Variants in SH3GL2 observed in about 807,000 individuals in gnomAD.
SH3GL2 encodes the protein SH3 domain containing GRB2 like 2, endophilin A1.
A neutral mutation model predicts 46.0 loss-of-function variants in SH3GL2; 24 were observed. That is an observed-to-expected ratio of 0.52 (90% CI 0.38 to 0.73). The LOEUF (loss-of-function observed/expected upper bound fraction) is 0.73. SH3GL2 is among the 30% of genes least tolerant of loss of function. The probability of loss-of-function intolerance (pLI) is 0.00; values close to 1 mark genes in which losing one functional copy is unlikely to be tolerated. For missense variants in SH3GL2, 413 were observed against 424.2 expected (o/e 0.97, Z 0.23); for synonymous variants, 196 against 147.1 (o/e 1.33, Z -2.40).
At chr9:17,737,662 AT>A (rs1822380797) in intron 1 of SH3GL2, among the ~76,000 whole-genome samples, 1 of 151,784 alleles carries the variant, frequency 6.6e-6, no homozygotes, top group African/African-American at 2.4e-5. Flanking sequence ...TTCTTTCCTG[AT>A]TATCCCTTTA....
At chr9:17,677,157 T>G (rs1162682511) in intron 1 of SH3GL2, among the ~76,000 whole-genome samples, 1 of 146,452 alleles carries the variant, frequency 6.8e-6, no homozygotes. Flanking sequence ...TTGGTCTCTG[T>G]GAAGATTTGA....
chr9:17,699,587 C>A (rs1821294492), intron 1 of SH3GL2, among the ~76,000 whole-genome samples: 1 of 152,204 alleles, frequency 6.6e-6, no homozygotes, highest in Admixed American at 6.5e-5. Context: ...CTGCCCTCAG[C>A]CTTACTACCA....
At chr9:17,736,922 G>A (rs914298248) in intron 1 of SH3GL2, among the ~76,000 whole-genome samples, 2 of 151,954 alleles carry the variant, frequency 1.3e-5, no homozygotes, top group African/African-American at 4.8e-5. Flanking sequence ...GAGCAGGACT[G>A]TTCACAATAG....
rs1823994609 is a variant in SH3GL2, at chr9:17,787,482, A to G, written c.434A>G (p.Asn145Ser). The G allele has an allele frequency of 1.2e-6, 2 of 1,613,032 alleles. No individual in the cohort carries two copies. Among genetic ancestry groups the G allele is most frequent in the African/African-American group, 1.3e-5 (1 of 74,876 alleles). ...VKQNFIDPLQ[N>S]LHDKDLREIQ... is the part of the protein sequence containing the mutation. ...CAGAACTTCATTGACCCTCTTCAGA[A>G]TCTTCATGACAAAGATCTTAGGGAA... Residue 145 changes from asparagine (N) to serine (S), a missense_variant, in exon 5 of 9, where the codon AAT becomes AGT. Around this residue, in one of 3 missense-constraint regions of SH3GL2, gnomAD observed 160 missense variants for 192.3 expected, o/e 0.83. Transcript: ENST00000380607.
intron 3 of SH3GL2, among the ~76,000 whole-genome samples, chr9:17,786,103 G>T (rs1823948291): frequency 6.6e-6 from 1 of 152,160 alleles, no homozygotes; most frequent in Admixed American, 6.5e-5. Flanking sequence ...GGATGGGGAA[G>T]GGCACACAGT....
At chr9:17,678,214 A>T (rs112454123) in intron 1 of SH3GL2, among the ~76,000 whole-genome samples, 19,297 of 150,964 alleles carry the variant, frequency 0.13, 1,588 homozygotes, top group African/African-American at 0.2. Context: ...CGCCACACTG[A>T]CTTCCACAAT....
At chr9:17,766,334 T>A (rs967424511) in intron 3 of SH3GL2, among the ~76,000 whole-genome samples, 1 of 152,216 alleles carries the variant, frequency 6.6e-6, no homozygotes, top group East Asian at 1.9e-4. Flanking sequence ...TACACATTCC[T>A]AAAATGCTTA....
chr9:17,624,690 A>T (rs1206288977), intron 1 of SH3GL2, among the ~76,000 whole-genome samples: 1 of 152,114 alleles, frequency 6.6e-6, no homozygotes, highest in African/African-American at 2.4e-5. Context: ...CTTACTTTTG[A>T]CAAATTTTTC....
In SH3GL2 at chr9:17,642,279, A is replaced by G. The variant is rs185189696; in HGVS notation, c.45+62992A>G. On this transcript the variant is annotated intron_variant, in intron 1 of 8. Coordinates refer to ENST00000380607, the MANE Select transcript of SH3GL2 (RefSeq NM_003026.5). ...TATTAGCCCTTTGTCAGATGGATAG[A>G]TTGCAAAAATTTTCTCCCATTCTGT... 3.4e-4 allele frequency among the ~76,000 whole-genome samples: 52 copies of G among 152,232 alleles called. 1 individual carries two copies. In the East Asian group the frequency reaches 9.5e-3, roughly 28 times the overall value.
intron 1 of SH3GL2, among the ~76,000 whole-genome samples, chr9:17,730,502 A>G (rs78327137): frequency 6.6e-6 from 1 of 152,140 alleles, no homozygotes; most frequent in Non-Finnish European, 1.5e-5. Context: ...TATGTTGAAT[A>G]GGAGTGGTGA....
At chr9:17,771,809 G>A (rs138331634) in intron 3 of SH3GL2, among the ~76,000 whole-genome samples, 1 of 152,212 alleles carries the variant, frequency 6.6e-6, no homozygotes, top group African/African-American at 2.4e-5. Flanking sequence ...AGAGAGCTTT[G>A]TCACCTTGGA....
intron 3 of SH3GL2, among the ~76,000 whole-genome samples, chr9:17,767,949 T>C (rs1823363718): frequency 6.6e-6 from 1 of 152,172 alleles, no homozygotes; most frequent in Non-Finnish European, 1.5e-5. Context: ...ATATTGAAAA[T>C]AGGTTCCTGA....
At chr9:17,751,787 CA>C (rs1264418568) in intron 2 of SH3GL2, among the ~76,000 whole-genome samples, 1 of 152,120 alleles carries the variant, frequency 6.6e-6, no homozygotes, top group Non-Finnish European at 1.5e-5. Context: ...TCCCTGAGTG[CA>C]CCCATAATGT....
chr9:17,784,832 C>T (rs1418812482), intron 3 of SH3GL2, among the ~76,000 whole-genome samples: 1 of 152,174 alleles, frequency 6.6e-6, no homozygotes, highest in East Asian at 1.9e-4. Context: ...TCCACGTCAG[C>T]TTCCCTAGTA....
chr9:17,703,473 A>G (rs969057780), intron 1 of SH3GL2, among the ~76,000 whole-genome samples: 7 of 151,998 alleles, frequency 4.6e-5, no homozygotes, highest in Non-Finnish European at 8.8e-5. Context: ...TCCTGATACC[A>G]AAACCTGGCA....
intron 1 of SH3GL2, among the ~76,000 whole-genome samples, chr9:17,633,462 A>C (rs1039214734): frequency 6.6e-6 from 1 of 152,250 alleles, no homozygotes; most frequent in Non-Finnish European, 1.5e-5. Context: ...TAGGTACTGC[A>C]CAAGTGTCCT....
At chr9:17,715,976 T>C (rs553834087) in intron 1 of SH3GL2, among the ~76,000 whole-genome samples, 89 of 152,204 alleles carry the variant, frequency 5.8e-4, no homozygotes, top group African/African-American at 2.0e-3. Context: ...CAAAGTATTA[T>C]TTGTACTGAA....
chr9:17,584,801 AGTG>A, intron 1 of SH3GL2, among the ~76,000 whole-genome samples: 1 of 152,318 alleles, frequency 6.6e-6, no homozygotes, highest in East Asian at 1.9e-4. Context: ...ATGAAAAGAA[AGTG>A]GTGACTGAAA....
intron 2 of SH3GL2, among the ~76,000 whole-genome samples, chr9:17,760,810 A>G (rs1167469178): frequency 6.6e-6 from 1 of 152,154 alleles, no homozygotes; most frequent in Non-Finnish European, 1.5e-5. Flanking sequence ...ACCTCTTTCA[A>G]GTGGGGAGAG....
Sources: allele counts gnomAD v4.1 joint callset (sites outside exome capture counted in the v4.1 genomes callset), GRCh38; gene constraint gnomAD v4.1.1; regional missense constraint gnomAD v4.1.1; transcripts MANE v1.5; gene names NCBI Gene and HGNC (gene_info 2026-07-23, HGNC 2026-07-21).